BMPR1B: variants seen among roughly 807,000 people sequenced by gnomAD.
BMPR1B encodes the protein bone morphogenetic protein receptor type-1B.
Under a neutral mutation model 59.1 loss-of-function variants are expected in BMPR1B, and 12 were observed. The ratio of observed to expected loss-of-function variants is 0.20; its 90% CI spans 0.13 to 0.33. The LOEUF is 0.33. BMPR1B is among the 10% of genes least tolerant of loss of function. BMPR1B has a pLI of 1.00. For synonymous variants in BMPR1B, 237 were observed against 207.3 expected (o/e 1.14, Z -1.23); for missense variants, 550 against 610.9 (o/e 0.90, Z 1.05).
At chr4:95,088,043 C>T (rs1010218701) in intron 3 of BMPR1B, among the ~76,000 whole-genome samples, 3 of 152,086 alleles carry the variant, frequency 2.0e-5, no homozygotes, top group African/African-American at 7.2e-5. Context: ...GTTGAATTTT[C>T]TGTTTTAACT....
At chr4:95,099,490 T>C (rs762530245) in intron 3 of BMPR1B, among the ~76,000 whole-genome samples, 1 of 152,164 alleles carries the variant, frequency 6.6e-6, no homozygotes, top group Non-Finnish European at 1.5e-5. Context: ...AATTCAGTAT[T>C]CCCTGACAGA....
chr4:94,871,976 C>G (rs372983819), intron 1 of BMPR1B, among the ~76,000 whole-genome samples: 8 of 152,192 alleles, frequency 5.3e-5, no homozygotes, highest in Admixed American at 2.6e-4. Flanking sequence ...TTTCTAAGGT[C>G]GTACCTTTTA....
At chr4:95,069,227 A>C (rs1379338119) in intron 3 of BMPR1B, among the ~76,000 whole-genome samples, 6 of 152,182 alleles carry the variant, frequency 3.9e-5, no homozygotes, top group African/African-American at 1.4e-4. Context: ...TGCCTTCATT[A>C]TAACAACAAT....
chr4:94,809,485 T>G (rs909284692), intron 1 of BMPR1B, among the ~76,000 whole-genome samples: 1 of 152,208 alleles, frequency 6.6e-6, no homozygotes, highest in Non-Finnish European at 1.5e-5. Context: ...AGCTTCAGAT[T>G]ATATCACTTT....
intron 3 of BMPR1B, among the ~76,000 whole-genome samples, chr4:95,032,574 C>T (rs571888037): frequency 6.6e-6 from 1 of 152,164 alleles, no homozygotes; most frequent in Non-Finnish European, 1.5e-5. Context: ...CTTTCTGTCT[C>T]TATGAATTTG....
At chr4:94,899,994 C>T (rs1727743998) in intron 2 of BMPR1B, among the ~76,000 whole-genome samples, 1 of 151,964 alleles carries the variant, frequency 6.6e-6, no homozygotes, top group African/African-American at 2.4e-5. Flanking sequence ...CAGGTTGTCA[C>T]TTCTAGATTT....
intron 12 of BMPR1B, 136 bp downstream of exon 12, chr4:95,152,909 T>G (rs2149330896): frequency 8.8e-7 from 1 of 1,140,272 alleles, no homozygotes; most frequent in Middle Eastern, 2.1e-4. Context: ...TTGCAGTAAT[T>G]TATATGAAGA....
chr4:94,907,162 G>A (rs1728076323), intron 2 of BMPR1B, among the ~76,000 whole-genome samples: 1 of 152,080 alleles, frequency 6.6e-6, no homozygotes, highest in Admixed American at 6.6e-5. Context: ...AATTTTGGAG[G>A]TGGTAGCTGG....
At chr4:95,129,589 G>A (rs1254779776) in intron 8 of BMPR1B, among the ~76,000 whole-genome samples, 2 of 151,662 alleles carry the variant, frequency 1.3e-5, no homozygotes, top group African/African-American at 4.8e-5. Context: ...AGCCTACTCA[G>A]GTTTTTTCTC....
intron 11 of BMPR1B, among the ~76,000 whole-genome samples, chr4:95,149,657 A>G (rs1734894893): frequency 1.3e-5 from 2 of 152,130 alleles, no homozygotes; most frequent in Admixed American, 1.3e-4. Flanking sequence ...ACTCTTCTGT[A>G]TGTTATTCCA....
chr4:95,063,991 G>A (rs1355727727), intron 3 of BMPR1B, among the ~76,000 whole-genome samples: 1 of 152,078 alleles, frequency 6.6e-6, no homozygotes, highest in African/African-American at 2.4e-5. Flanking sequence ...GATTACCAAG[G>A]TTTGGCAAGG....
chr4:94,864,250 G>T (rs1726113923), intron 1 of BMPR1B, among the ~76,000 whole-genome samples: 1 of 152,136 alleles, frequency 6.6e-6, no homozygotes, highest in African/African-American at 2.4e-5. Context: ...GTCTGTGCCA[G>T]AACCCCAGAA....
At chr4:94,965,309 C>T (rs1730513220) in intron 2 of BMPR1B, among the ~76,000 whole-genome samples, 1 of 152,032 alleles carries the variant, frequency 6.6e-6, no homozygotes, top group African/African-American at 2.4e-5. Context: ...ACAGAGTTCT[C>T]ATCTCATATT....
At chr4:95,142,302 A>AT (rs1734289008) in intron 10 of BMPR1B, among the ~76,000 whole-genome samples, 1 of 152,064 alleles carries the variant, frequency 6.6e-6, no homozygotes. Flanking sequence ...ACTCTTGAGA[A>AT]TTTTTTATGC....
At chr4:95,094,162 G>T (rs1730202349) in intron 3 of BMPR1B, among the ~76,000 whole-genome samples, 2 of 152,048 alleles carry the variant, frequency 1.3e-5, no homozygotes, top group Non-Finnish European at 2.9e-5. Flanking sequence ...ACACCGTCAA[G>T]TACTCTGGGT....
chr4:95,041,100 A>C (rs1216725780), intron 3 of BMPR1B, among the ~76,000 whole-genome samples: 1 of 152,202 alleles, frequency 6.6e-6, no homozygotes, highest in African/African-American at 2.4e-5. Flanking sequence ...TATTTGATGT[A>C]CATTGGCACG....
At chr4:94,764,220 G>T (rs993976727) in intron 1 of BMPR1B, among the ~76,000 whole-genome samples, 3 of 152,090 alleles carry the variant, frequency 2.0e-5, no homozygotes, top group African/African-American at 7.2e-5. Context: ...TAACCTGGAT[G>T]AACAACTTTG....
chr4:94,995,299 G>A (rs1242099527), intron 2 of BMPR1B, among the ~76,000 whole-genome samples: 2 of 151,956 alleles, frequency 1.3e-5, no homozygotes, highest in Admixed American at 1.3e-4. Context: ...TTATATTTTA[G>A]CATCTTTCAC....
intron 3 of BMPR1B, among the ~76,000 whole-genome samples, chr4:94,996,540 A>T (rs1347519172): frequency 6.6e-6 from 1 of 152,214 alleles, no homozygotes; most frequent in Non-Finnish European, 1.5e-5. Flanking sequence ...AGATGAACGT[A>T]TGAAGGTGCA....
Sources: gnomAD v4.1 joint callset for allele counts (sites outside exome capture counted in the v4.1 genomes callset) on GRCh38, gnomAD v4.1.1 for gene constraint, MANE v1.5 for transcripts, NCBI Gene and HGNC (gene_info 2026-07-23, HGNC 2026-07-21) for gene names.